The following PIGK variants were observed in gnomAD, a reference collection of about 807,000 sequenced individuals.
PIGK encodes the protein phosphatidylinositol glycan anchor biosynthesis class K.
In PIGK, 42 loss-of-function variants were observed where a neutral mutation model predicts 50.6. That is an observed-to-expected ratio of 0.83 (90% CI 0.65 to 1.07). The LOEUF (loss-of-function observed/expected upper bound fraction) is 1.07, where lower values mean the gene tolerates loss of function less well. Ranked by LOEUF, PIGK falls within the 50% of genes least tolerant of loss-of-function variation. The probability of loss-of-function intolerance (pLI) is 0.00; values close to 1 mark genes in which losing one functional copy is unlikely to be tolerated. For synonymous variants in PIGK, 151 were observed against 156.0 expected, an observed-to-expected ratio of 0.97 and a Z score of 0.24; for missense variants, 448 against 488.7, an observed-to-expected ratio of 0.92 and a Z score of 0.78.
chr1:77,195,134 A>T (rs982285385), intron 3 of PIGK: 2 of 1,222,670 alleles, frequency 1.6e-6, no homozygotes, highest in African/African-American at 3.0e-5. Context: ...GGTGATTCAG[A>T]GTTCATGAAT....
At chr1:77,095,836 C>T (rs1440626040) in intron 10 of PIGK, among the ~76,000 whole-genome samples, 1 of 152,018 alleles carries the variant, frequency 6.6e-6, no homozygotes, top group Admixed American at 6.6e-5. Context: ...ACAACCTATT[C>T]CTCAGATACA....
intron 10 of PIGK, among the ~76,000 whole-genome samples, chr1:77,103,662 GC>G: frequency 6.6e-6 from 1 of 152,326 alleles, no homozygotes. Flanking sequence ...CCCAAACACA[GC>G]CTGGCAGTCT....
At chr1:77,098,682 A>G (rs1285270663) in intron 10 of PIGK, among the ~76,000 whole-genome samples, 1 of 152,162 alleles carries the variant, frequency 6.6e-6, no homozygotes, top group Non-Finnish European at 1.5e-5. Context: ...TCTGTATTTC[A>G]AAATGTATAG....
Position 77,154,594 on chromosome 1 carries a change from C to A in PIGK, c.841G>T (p.Val281Leu). The A allele has an allele frequency of 4.3e-6, 7 of 1,612,430 alleles. No individual in the cohort carries two copies. Among genetic ancestry groups the A allele is most frequent in the Non-Finnish European group, 5.9e-6 (7 of 1,178,862 alleles). The change falls in exon 9 of 11, where the codon GTG becomes TTG. Residue 281 changes from valine to leucine, a missense_variant. Physicochemically the swap from Val to Leu is conservative, Grantham distance 32. Transcript: ENST00000370812. ...TCAGTGCGATGTCCAGGAGTAGACACACACAGACTTTTGGGACATACCTGA... is the reference window on the plus strand; with the variant it reads ...TCAGTGCGATGTCCAGGAGTAGACAAACACAGACTTTTGGGACATACCTGA... ...LFQVCPKSLC[V>L]STPGHRTDLF...
chr1:77,166,972 T>C (rs1655249867), intron 4 of PIGK, 142 bp from the exon 5 acceptor site: 2 of 579,706 alleles, frequency 3.5e-6, no homozygotes, highest in Non-Finnish European at 6.1e-6. Context: ...CCAAAAATTA[T>C]ATAACTCAAT....
intron 10 of PIGK, among the ~76,000 whole-genome samples, chr1:77,098,481 G>A (rs1276566325): frequency 6.6e-6 from 1 of 151,946 alleles, no homozygotes; most frequent in Non-Finnish European, 1.5e-5. Flanking sequence ...GATTACAGGT[G>A]TATGCCACCA....
chr1:77,183,532 G>C (rs554820634), intron 3 of PIGK, among the ~76,000 whole-genome samples: 30 of 152,286 alleles, frequency 2.0e-4, no homozygotes, highest in African/African-American at 7.0e-4. Flanking sequence ...TGACCCATGA[G>C]GAGGTGCACT....
intron 10 of PIGK, among the ~76,000 whole-genome samples, chr1:77,113,845 C>G (rs1471641036): frequency 1.3e-5 from 2 of 152,048 alleles, no homozygotes; most frequent in African/African-American, 2.4e-5. Flanking sequence ...TTTAAATAAG[C>G]AAAGATAATC....
Position 77,092,290 on chromosome 1 carries a change from G to T in PIGK, c.*84C>A, listed in dbSNP as rs1570173435. 1 of 631,026 alleles carries T rather than the reference G, an allele frequency of 1.6e-6. No homozygotes were observed. The highest frequency in any genetic ancestry group is 2.8e-6 in the Non-Finnish European group (1 of 363,106). 39.1% of individuals were successfully genotyped at this position (631,026 alleles called of 1,614,324 possible). ...ATACTTATTTCCAATTCATACAAGA[G>T]AAACACATTTTTAAAAATATATAAT... On this transcript the variant is annotated 3_prime_UTR_variant, in exon 11 of 11. Coordinates refer to ENST00000370812, the MANE Select transcript of PIGK (RefSeq NM_005482.3).
intron 8 of PIGK, among the ~76,000 whole-genome samples, chr1:77,158,095 C>A (rs1655051470): frequency 6.6e-6 from 1 of 152,220 alleles, no homozygotes; most frequent in South Asian, 2.1e-4. Flanking sequence ...CAGCTCACTG[C>A]AACCTCTGCC....
At chr1:77,171,814 AT>A (rs1346277645) in intron 3 of PIGK, among the ~76,000 whole-genome samples, 3 of 152,196 alleles carry the variant, frequency 2.0e-5, no homozygotes, top group Non-Finnish European at 4.4e-5. Flanking sequence ...AGAGAAAAAA[AT>A]AATTCTCATT....
chr1:77,151,151 A>G (rs1455465031), intron 9 of PIGK, among the ~76,000 whole-genome samples: 1 of 152,198 alleles, frequency 6.6e-6, no homozygotes, highest in Non-Finnish European at 1.5e-5. Context: ...CCATTCCATC[A>G]TGATCAAGTG....
intron 3 of PIGK, among the ~76,000 whole-genome samples, chr1:77,189,461 A>G (rs1279227663): frequency 2.0e-5 from 3 of 151,516 alleles, no homozygotes; most frequent in Non-Finnish European, 4.4e-5. Context: ...AACCTGGGTT[A>G]GTACCATCTA....
At chr1:77,120,296 C>A (rs189393044) in intron 10 of PIGK, among the ~76,000 whole-genome samples, 1 of 152,146 alleles carries the variant, frequency 6.6e-6, no homozygotes, top group African/African-American at 2.4e-5. Context: ...CTCACTGTAG[C>A]CTCAATCTGG....
At chr1:77,186,522 G>A (rs1301907831) in intron 3 of PIGK, among the ~76,000 whole-genome samples, 1 of 152,236 alleles carries the variant, frequency 6.6e-6, no homozygotes, top group African/African-American at 2.4e-5. Flanking sequence ...ATTTGGGGAA[G>A]AGGTATGTGG....
intron 3 of PIGK, among the ~76,000 whole-genome samples, chr1:77,180,261 ACCTT>A (rs1655580331): frequency 6.6e-6 from 1 of 152,162 alleles, no homozygotes; most frequent in Admixed American, 6.5e-5. Context: ...ACATAATATG[ACCTT>A]CTCTCAACAC....
chr1:77,176,745 C>T (rs575338520), intron 3 of PIGK, among the ~76,000 whole-genome samples: 1 of 152,098 alleles, frequency 6.6e-6, no homozygotes, highest in South Asian at 2.1e-4. Flanking sequence ...TGCTATACAC[C>T]TAAATTGGAA....
intron 3 of PIGK, among the ~76,000 whole-genome samples, chr1:77,196,681 T>A (rs898838109): frequency 8.5e-5 from 13 of 152,268 alleles, no homozygotes; most frequent in Non-Finnish European, 1.2e-4. Flanking sequence ...TTTTGCTTGT[T>A]GAGTTGTTTA....
At chr1:77,174,619 A>G in intron 3 of PIGK, among the ~76,000 whole-genome samples, 1 of 152,176 alleles carries the variant, frequency 6.6e-6, no homozygotes, top group South Asian at 2.1e-4. Flanking sequence ...GGATCAGAGA[A>G]AGCATGCTCT....
Sources: gnomAD v4.1 joint callset for allele counts (sites outside exome capture counted in the v4.1 genomes callset) on GRCh38, gnomAD v4.1.1 for gene constraint, MANE v1.5 for transcripts, NCBI Gene and HGNC (gene_info 2026-07-23, HGNC 2026-07-21) for gene names.